RNASEH1: variants seen among roughly 807,000 people sequenced by gnomAD.
RNASEH1 encodes ribonuclease H type II.
In RNASEH1, 27 loss-of-function variants were observed where a neutral mutation model predicts 34.6. The ratio of observed to expected loss-of-function variants is 0.78; its 90% CI spans 0.58 to 1.08. RNASEH1 has a LOEUF of 1.08. RNASEH1 is among the 50% of genes least tolerant of loss of function. The pLI, the probability that RNASEH1 is intolerant of heterozygous loss-of-function variation, is 0.00. For missense variants in RNASEH1, 349 were observed against 373.6 expected (o/e 0.93, Z 0.54); for synonymous variants, 162 against 138.4 (o/e 1.17, Z -1.20).
the RNASEH1 span, among the ~76,000 whole-genome samples, chr2:3,535,216 G>A: frequency 1.8e-3 from 271 of 152,012 alleles, 2 homozygotes; most frequent in African/African-American, 6.3e-3. Flanking sequence ...TCAGGAGTTC[G>A]AGACCAGCCT....
intron 7 of RNASEH1, 135 bp from the exon 8 acceptor site, chr2:3,546,006 C>G (rs2103309603): frequency 4.4e-6 from 3 of 674,650 alleles, no homozygotes; most frequent in East Asian, 5.4e-5. Flanking sequence ...TCTCCCCAGA[C>G]ATGATCCTCA....
intron 2 of RNASEH1, among the ~76,000 whole-genome samples, chr2:3,555,814 T>C (rs1471994090): frequency 1.3e-5 from 2 of 152,132 alleles, no homozygotes; most frequent in Non-Finnish European, 2.9e-5. Context: ...CCAATTATAT[T>C]GGGAATTAAT....
chr2:3,534,272 G>A, the RNASEH1 span: 2 of 152,250 alleles, frequency 1.3e-5, no homozygotes, highest in African/African-American at 4.8e-5. Context: ...AACAGTGGGT[G>A]TGAAAAAAGG....
Position 3,543,983 on chromosome 2 carries a change from C to T in RNASEH1, c.*1802G>A, listed in dbSNP as rs1448812381. ...CCTTGACAGACAACTAATGCATTAT[C>T]TTAAAAACTTAGTGTACAAGAGCAA... On this transcript the variant is annotated 3_prime_UTR_variant, in exon 8 of 8. Transcript: ENST00000315212. Among the ~76,000 whole-genome samples, 1 of 152,154 alleles carries T rather than the reference C, an allele frequency of 6.6e-6. No homozygotes were observed. The highest frequency in any genetic ancestry group is 6.6e-5 in the Admixed American group (1 of 15,266).
intron 2 of RNASEH1, among the ~76,000 whole-genome samples, chr2:3,554,161 CACG>C (rs1317823239): frequency 6.6e-6 from 1 of 152,208 alleles, no homozygotes; most frequent in African/African-American, 2.4e-5. Flanking sequence ...CTGTGATCAG[CACG>C]ACGTCAGCAA....
At chr2:3,539,073 T>G (rs889741159), downstream of RNASEH1, among the ~76,000 whole-genome samples, 3 of 152,202 alleles carry the variant, frequency 2.0e-5, no homozygotes, top group Non-Finnish European at 4.4e-5. Flanking sequence ...TTCTTATATA[T>G]TAGGGAAATT....
intron 4 of RNASEH1, 62 bp downstream of exon 4, chr2:3,550,311 C>A: frequency 2.3e-6 from 3 of 1,317,742 alleles, no homozygotes; most frequent in Non-Finnish European, 3.3e-6. Context: ...GAGCAGATCC[C>A]GCCTCATCTT....
intron 7 of RNASEH1, among the ~76,000 whole-genome samples, chr2:3,547,703 G>A (rs552613035): frequency 1.6e-4 from 24 of 152,172 alleles, no homozygotes; most frequent in African/African-American, 5.8e-4. Context: ...TGGCCAGGCT[G>A]GTCTTGAACT....
intron 2 of RNASEH1, 72 bp downstream of exon 2, chr2:3,556,717 G>C (rs1252051400): frequency 1.0e-6 from 1 of 990,666 alleles, no homozygotes. Flanking sequence ...TAGCTATATA[G>C]ATCAAATGCC....
At position 3,548,006 on chromosome 2, in the gene RNASEH1, A is replaced by C. The variant is rs377071926; in HGVS notation, c.699T>G (p.Ser233Arg). The change falls in exon 7 of 8, where the codon AGT becomes AGG. Residue 233 changes from serine to arginine, a missense_variant. Ser to Arg is a moderately radical substitution (Grantham distance 110). Coordinates refer to ENST00000315212, the MANE Select transcript of RNASEH1 (RefSeq NM_002936.6). ...QGWKKNGWKT[S>R]AGKEVINKED... is the part of the protein sequence containing the mutation. ...CTTTGTTGATCACCTCTTTCCCTGC[A>C]CTTGTCTTCCACCCATTTTTCTTCC... 85 of 1,613,878 alleles carry C rather than the reference A, an allele frequency of 5.3e-5. No homozygotes were observed. The African/African-American group carries it at 1.1e-3, about 20-fold the overall frequency.
At chr2:3,550,169 C>G in intron 4 of RNASEH1, 3 of 314,834 alleles carry the variant, frequency 9.5e-6, no homozygotes, top group Non-Finnish European at 1.7e-5. Flanking sequence ...AAAAAAAAAG[C>G]AAAGGAAGTA....
Position 3,543,713 on chromosome 2 carries a change from C to T in RNASEH1, c.*2072G>A, listed in dbSNP as rs555885849. On this transcript the variant is annotated 3_prime_UTR_variant, in exon 8 of 8. Transcript: ENST00000315212. ...GCATCCTCGACCTCCTGGGCCCAAG[C>T]GATCCTCCCATCTCAGCCTCCAGAA... is the stretch of plus-strand genomic sequence containing the variant. Among the ~76,000 whole-genome samples, 1 of 152,132 alleles carries T rather than the reference C, an allele frequency of 6.6e-6. No homozygotes were observed. Among genetic ancestry groups the T allele is most frequent in the South Asian group, 2.1e-4 (1 of 4,814 alleles).
rs75789502 is a variant in RNASEH1 at position 3,548,627 on chromosome 2, T to A, written c.649+13A>T. The A allele has an allele frequency of 6.5e-7, 1 of 1,536,922 alleles. No homozygotes were observed. On this transcript the variant is annotated intron_variant, in intron 6 of 7. Transcript: ENST00000315212. ...TACTGGAAAAACAGAAGAAATCAAA[T>A]GTGAAAGCTTACCATTTATCGTAAA...
In RNASEH1 at chr2:3,548,643, T is replaced by C. The variant is rs148407475; in HGVS notation, c.646A>G (p.Asn216Asp). ...VLYTDSMFTI[N>D]GITNWVQGWK... ...GAAATCAAATGTGAAAGCTTACCAT[T>C]TATCGTAAACATACTGTCTGTATAC... Residue 216 changes from asparagine to aspartate, a missense_variant, in exon 6 of 8, where the codon AAT becomes GAT. Physicochemically the swap from Asn to Asp is conservative, Grantham distance 23. This residue lies in a region of RNASEH1 where 93 missense variants were observed against 132.9 expected (regional missense o/e 0.70). Coordinates refer to ENST00000315212, the MANE Select transcript of RNASEH1 (RefSeq NM_002936.6). 7.0e-6 allele frequency: 11 copies of C among 1,577,064 alleles called. No homozygotes were observed. The African/African-American group carries it at 1.3e-4, about 19-fold the overall frequency.
chr2:3,545,905 T>G (rs764690670), intron 7 of RNASEH1, 34 bp from the exon 8 acceptor site: 1 of 1,470,402 alleles, frequency 6.8e-7, no homozygotes. Flanking sequence ...TTATTTTTAC[T>G]CATCTTTACA....
the RNASEH1 span, chr2:3,531,927 A>G: frequency 3.8e-6 from 1 of 262,722 alleles, no homozygotes; most frequent in Non-Finnish European, 7.3e-6. Context: ...ATTGTTGTAG[A>G]AGCCCAAATA....
At chr2:3,554,047 A>G (rs1027840166) in intron 2 of RNASEH1, among the ~76,000 whole-genome samples, 1 of 152,204 alleles carries the variant, frequency 6.6e-6, no homozygotes, top group African/African-American at 2.4e-5. Flanking sequence ...ATGGGGCACG[A>G]ACATCACAGA....
chr2:3,550,334 G>A, intron 4 of RNASEH1, 39 bp downstream of exon 4: 1 of 1,464,920 alleles, frequency 6.8e-7, no homozygotes, highest in East Asian at 2.3e-5. Flanking sequence ...CACAAGTTGT[G>A]GAACATGATT....
rs1315445349 is a variant in RNASEH1, at chr2:3,543,044, T to C, written c.*2741A>G. 2.0e-5 allele frequency among the ~76,000 whole-genome samples: 3 copies of C among 152,248 alleles called. No homozygotes were observed. Among genetic ancestry groups the C allele is most frequent in the Non-Finnish European group, 4.4e-5 (3 of 68,048 alleles). The stretch of plus-strand genomic sequence containing the variant: ...GAATTAAGTTTGGCCTAAAACTGCC[T>C]CTGTACATAGTGACTTATAACCTCA... On this transcript the variant is annotated 3_prime_UTR_variant, in exon 8 of 8. Coordinates refer to ENST00000315212, the MANE Select transcript of RNASEH1 (RefSeq NM_002936.6).
Sources: allele counts gnomAD v4.1 joint callset (sites outside exome capture counted in the v4.1 genomes callset), GRCh38; gene constraint gnomAD v4.1.1; regional missense constraint gnomAD v4.1.1; transcripts MANE v1.5; gene names NCBI Gene and HGNC (gene_info 2026-07-23, HGNC 2026-07-21).